BEND7: variants seen among roughly 807,000 people sequenced by gnomAD.
The protein encoded by BEND7 is BEN domain containing 7, also known as BEN domain-containing protein 7.
In BEND7, 28 loss-of-function variants were observed where a neutral mutation model predicts 50.9. The observed-to-expected ratio is 0.55, with a 90% CI of 0.41 to 0.75. The LOEUF (loss-of-function observed/expected upper bound fraction) is 0.75. Ranked by LOEUF, BEND7 falls within the 30% of genes least tolerant of loss-of-function variation. The pLI is 0.00. For synonymous variants in BEND7, 170 were observed against 183.9 expected (o/e 0.92, Z 0.61); for missense variants, 477 against 491.3 (o/e 0.97, Z 0.28).
chr10:13,472,115 A>G (rs1002697153), intron 6 of BEND7, among the ~76,000 whole-genome samples: 1 of 151,948 alleles, frequency 6.6e-6, no homozygotes. Context: ...TCACTGTTAG[A>G]CTTGGGGTTG....
At chr10:13,500,969 T>TAAA (rs752454712) in intron 2 of BEND7, 4 of 344,016 alleles carry the variant, frequency 1.2e-5, no homozygotes, top group African/African-American at 2.2e-5. Context: ...ACTGACTTCT[T>TAAA]TTTTTAAGAT....
intron 2 of BEND7, 137 bp from the exon 3 acceptor site, chr10:13,500,217 A>C: frequency 1.2e-6 from 1 of 804,108 alleles, no homozygotes; most frequent in Non-Finnish European, 1.9e-6. Context: ...TTAATCTGTA[A>C]AACGCAAAGG....
At chr10:13,469,405 G>A (rs1256700826) in intron 6 of BEND7, among the ~76,000 whole-genome samples, 1 of 152,148 alleles carries the variant, frequency 6.6e-6, no homozygotes, top group African/African-American at 2.4e-5. Context: ...GCCGTGCTTT[G>A]CTCTTATACA....
rs372033264 is a variant in BEND7 at position 13,504,106 on chromosome 10, A to G, written c.146-4026T>C. Among the ~76,000 whole-genome samples, 332 of 152,218 alleles carry G rather than the reference A, an allele frequency of 2.2e-3. 2 individuals are homozygous for G. The highest frequency in any genetic ancestry group is 2.9e-3 in the Non-Finnish European group (196 of 68,000). On this transcript the variant is annotated intron_variant, in intron 2 of 8. Transcript: ENST00000466271. The stretch of plus-strand genomic sequence containing the variant: ...AGAGGATCAGAAACGAGGCCTGAAG[A>G]CTCCAAGTGACAATGACAAAGAAGC...
chr10:13,493,637 C>A (rs2076830023), intron 4 of BEND7, among the ~76,000 whole-genome samples: 1 of 152,176 alleles, frequency 6.6e-6, no homozygotes, highest in Non-Finnish European at 1.5e-5. Flanking sequence ...ATGAAAAGCA[C>A]AGTACAGGAA....
At chr10:13,522,627 A>C (rs2079160763) in intron 2 of BEND7, among the ~76,000 whole-genome samples, 1 of 152,150 alleles carries the variant, frequency 6.6e-6, no homozygotes, top group Non-Finnish European at 1.5e-5. Context: ...TCCAGGGAGG[A>C]GAAATACAGG....
upstream of BEND7, among the ~76,000 whole-genome samples, chr10:13,529,273 C>CGCTGGCCTCCCTCCGCCGCTT (rs1409019006): frequency 6.6e-6 from 1 of 150,796 alleles, no homozygotes; most frequent in Admixed American, 6.6e-5. Flanking sequence ...AGACCCCGCT[C>CGCTGGCCTCCCTCCGCCGCTT]GCTGGCCTCC....
chr10:13,438,930 C>A (rs1835035758), downstream of BEND7: 2 of 476,498 alleles, frequency 4.2e-6, no homozygotes, highest in South Asian at 2.5e-5. Context: ...GAAGGGGAGT[C>A]ACTTCTGGTA....
Position 13,499,984 on chromosome 10 carries a change from CCTT to C in BEND7, c.239_241del (p.Glu80del), listed in dbSNP as rs773510442. 6.2e-7 allele frequency: 1 copy of C among 1,614,208 alleles called. No homozygotes were observed. The highest frequency in any genetic ancestry group is 2.2e-5 in the East Asian group (1 of 44,886). ...CTGGGGCTCTTCTTTTAGTTTCTCT[CCTT>C]CTTTGCCAACTCGCTGATAGATCCG... On this transcript the variant is annotated inframe_deletion, in exon 3 of 9. Transcript: ENST00000466271.
chr10:13,496,238 A>G (rs1264156690), intron 4 of BEND7, among the ~76,000 whole-genome samples: 1 of 152,236 alleles, frequency 6.6e-6, no homozygotes, highest in Admixed American at 6.5e-5. Context: ...ATTGGCATCC[A>G]ATCCCAAATT....
intron 4 of BEND7, among the ~76,000 whole-genome samples, chr10:13,496,102 A>G (rs1438825542): frequency 6.6e-6 from 1 of 152,238 alleles, no homozygotes; most frequent in East Asian, 1.9e-4. Flanking sequence ...ACCATGCCTT[A>G]TAAAGTTCAT....
At chr10:13,478,756 T>G (rs1022802616) in intron 6 of BEND7, among the ~76,000 whole-genome samples, 1 of 152,158 alleles carries the variant, frequency 6.6e-6, no homozygotes, top group African/African-American at 2.4e-5. Flanking sequence ...ACACTGCAAA[T>G]AGATAAATAT....
rs964406166 is a variant in BEND7 at position 13,493,439 on chromosome 10, C to G, written c.572-563G>C. Among the ~76,000 whole-genome samples, 3 of 152,202 alleles carry G rather than the reference C, an allele frequency of 2.0e-5. 1 individual carries two copies. Among genetic ancestry groups the G allele is most frequent in the Non-Finnish European group, 4.4e-5 (3 of 68,042 alleles). On this transcript the variant is annotated intron_variant, in intron 4 of 8. Coordinates refer to ENST00000466271, the MANE Select transcript of BEND7 (RefSeq NM_001369863.1). Reference sequence around the variant, plus strand: ...GCATGTGGGAAAAGCCTATTAGTTACTTAATTAGGACCAGTGAATCCTTCC... The same window carrying G: ...GCATGTGGGAAAAGCCTATTAGTTAGTTAATTAGGACCAGTGAATCCTTCC...
intron 5 of BEND7, among the ~76,000 whole-genome samples, chr10:13,484,901 G>A (rs2076111894): frequency 6.6e-6 from 1 of 152,270 alleles, no homozygotes; most frequent in South Asian, 2.1e-4. Context: ...CACACTGGGT[G>A]AAGTTCTGGA....
chr10:13,439,700 T>G (rs1196136642), downstream of BEND7, among the ~76,000 whole-genome samples: 1 of 152,170 alleles, frequency 6.6e-6, no homozygotes, highest in Non-Finnish European at 1.5e-5. Context: ...GCTTTGTGGG[T>G]TTTGAGCCCC....
chr10:13,527,000 A>C (rs2079488941), intron 1 of BEND7, among the ~76,000 whole-genome samples: 1 of 152,224 alleles, frequency 6.6e-6, no homozygotes, highest in East Asian at 1.9e-4. Flanking sequence ...AAGGCATGAA[A>C]ATAGAGGTTC....
At chr10:13,458,642 G>A (rs983962195) in intron 6 of BEND7, among the ~76,000 whole-genome samples, 2 of 152,212 alleles carry the variant, frequency 1.3e-5, no homozygotes, top group African/African-American at 2.4e-5. Flanking sequence ...TTTACAGCAC[G>A]CAGAACTGAA....
intron 5 of BEND7, among the ~76,000 whole-genome samples, chr10:13,489,756 CAG>C (rs1489019979): frequency 2.4e-4 from 37 of 152,060 alleles, no homozygotes; most frequent in Admixed American, 2.4e-3. Flanking sequence ...TAGGTGGGTA[CAG>C]AGAGGAGGAA....
At position 13,452,648 on chromosome 10, in the gene BEND7, T is replaced by G. The variant is rs1273523514; in HGVS notation, c.1074A>C (p.Glu358Asp). ...CCACATGGTTAGCTGTACAGTACTT[T>G]TCTGTGAAGACTGAAAGAAAATGTA... ...NIVGAIKVFT[E>D]KYCTANHVDK... is the part of the protein sequence containing the mutation. The change falls in exon 7 of 9, where the codon GAA becomes GAC. Residue 358 changes from glutamate (E) to aspartate (D), a missense_variant. This residue lies in a region of BEND7 where 64 missense variants were observed against 68.5 expected (regional missense o/e 0.93). Transcript: ENST00000466271. The G allele has an allele frequency of 6.3e-7, 1 of 1,592,346 alleles. No individual in the cohort carries two copies. Among genetic ancestry groups the G allele is most frequent in the Non-Finnish European group, 8.5e-7 (1 of 1,170,152 alleles).
Sources: gnomAD v4.1 joint callset for allele counts (sites outside exome capture counted in the v4.1 genomes callset) on GRCh38, gnomAD v4.1.1 for gene constraint, gnomAD v4.1.1 regional missense constraint, MANE v1.5 for transcripts, NCBI Gene and HGNC (gene_info 2026-07-23, HGNC 2026-07-21) for gene names.